The following ASTN2 variants were observed in gnomAD, a reference collection of about 807,000 sequenced individuals.
ASTN2 encodes astrotactin-2.
In ASTN2, 54 loss-of-function variants were observed where a neutral mutation model predicts 139.8. The observed-to-expected ratio is 0.39, with a 90% CI of 0.31 to 0.48. ASTN2 has a LOEUF of 0.48. Among genes scored for constraint, ASTN2 ranks in the 20% least tolerant of loss-of-function variants. ASTN2 has a pLI of 0.95. For missense variants in ASTN2, 1,565 were observed against 1,725.1 expected (o/e 0.91, Z 1.64); for synonymous variants, 756 against 719.5 (o/e 1.05, Z -0.81).
At chr9:117,008,892 G>T (rs1481804131) in intron 6 of ASTN2, among the ~76,000 whole-genome samples, 1 of 152,064 alleles carries the variant, frequency 6.6e-6, no homozygotes, top group Non-Finnish European at 1.5e-5. Context: ...TTATAAGAAA[G>T]ACAGAAAGAT....
At chr9:116,750,041 T>C (rs1829355338) in intron 13 of ASTN2, among the ~76,000 whole-genome samples, 2 of 152,182 alleles carry the variant, frequency 1.3e-5, no homozygotes. Context: ...GCAAATAGTC[T>C]AACACACTAA....
intron 3 of ASTN2, among the ~76,000 whole-genome samples, chr9:117,173,707 A>C (rs1024801029): frequency 6.6e-6 from 1 of 152,084 alleles, no homozygotes; most frequent in Non-Finnish European, 1.5e-5. Context: ...CTAGAGATAA[A>C]GAAACACTTC....
intron 15 of ASTN2, among the ~76,000 whole-genome samples, chr9:116,726,339 A>T (rs1013413938): frequency 6.6e-6 from 1 of 152,228 alleles, no homozygotes; most frequent in African/African-American, 2.4e-5. Flanking sequence ...AGCCACAATC[A>T]TATATAATTT....
chr9:117,232,147 T>C (rs911238502), intron 2 of ASTN2, among the ~76,000 whole-genome samples: 3 of 152,154 alleles, frequency 2.0e-5, no homozygotes, highest in Admixed American at 2.0e-4. Flanking sequence ...TACAAAAGCA[T>C]CTAGGAGCCT....
chr9:116,474,077 G>C (rs76522443), intron 20 of ASTN2, among the ~76,000 whole-genome samples: 2,237 of 152,274 alleles, frequency 0.015, 29 homozygotes, highest in Non-Finnish European at 0.019. Context: ...AGACCCAGGA[G>C]AAATAAGCAT....
rs1850347402 is a variant in ASTN2, at chr9:116,510,915, G to T, written c.3356-23415C>A. Among the ~76,000 whole-genome samples, 3 of 152,034 alleles carry T rather than the reference G, an allele frequency of 2.0e-5. No individual in the cohort carries two copies. In the South Asian group the frequency reaches 6.2e-4, roughly 32 times the overall value. ...AGGAGATTTTGGGTTGAGACAATGG[G>T]GTTTTCTAGATATACAATCATGTCA... is the stretch of plus-strand genomic sequence containing the variant. On this transcript the variant is annotated intron_variant, in intron 19 of 22. Transcript: ENST00000313400.
intron 5 of ASTN2, among the ~76,000 whole-genome samples, chr9:117,043,666 T>C (rs971028044): frequency 6.6e-6 from 1 of 152,098 alleles, no homozygotes; most frequent in African/African-American, 2.4e-5. Context: ...CCCAGCACTT[T>C]GGGAGACAAG....
chr9:116,921,188 T>A (rs1015664374), intron 10 of ASTN2, among the ~76,000 whole-genome samples: 1 of 152,150 alleles, frequency 6.6e-6, no homozygotes, highest in Non-Finnish European at 1.5e-5. Context: ...AAGAATTCAC[T>A]ATCATGATGA....
intron 13 of ASTN2, among the ~76,000 whole-genome samples, chr9:116,738,964 T>C (rs1829020317): frequency 6.6e-6 from 1 of 152,180 alleles, no homozygotes; most frequent in African/African-American, 2.4e-5. Context: ...GAGATGCTTG[T>C]TTAAACAAAC....
chr9:116,980,930 C>T (rs979673867), intron 7 of ASTN2, among the ~76,000 whole-genome samples: 1 of 152,124 alleles, frequency 6.6e-6, no homozygotes, highest in African/African-American at 2.4e-5. Flanking sequence ...AATGACAGCT[C>T]TCTAGGGATG....
chr9:116,573,798 A>G (rs555447567), intron 19 of ASTN2, among the ~76,000 whole-genome samples: 10 of 152,354 alleles, frequency 6.6e-5, no homozygotes, highest in Admixed American at 4.6e-4. Flanking sequence ...TGACAGCAAC[A>G]CTCAATACCA....
chr9:116,937,413 C>A (rs80005503), intron 10 of ASTN2, among the ~76,000 whole-genome samples: 3,062 of 152,254 alleles, frequency 0.02, 53 homozygotes, highest in Non-Finnish European at 0.03. Flanking sequence ...CTCACACTTC[C>A]CTCAGATCTC....
chr9:117,016,658 CCTATATAT>C (rs1837709200), intron 6 of ASTN2, among the ~76,000 whole-genome samples: 1 of 10,602 alleles, frequency 9.4e-5, no homozygotes, highest in Admixed American at 1.8e-3. Context: ...ATATATATAA[CCTATATAT>C]ATGTTACATA....
At chr9:116,908,690 G>T (rs2132416949) in intron 10 of ASTN2, among the ~76,000 whole-genome samples, 1 of 152,270 alleles carries the variant, frequency 6.6e-6, no homozygotes, top group South Asian at 2.1e-4. Flanking sequence ...GCCCACATTT[G>T]ACACTTCCTT....
intron 2 of ASTN2, among the ~76,000 whole-genome samples, chr9:117,217,045 C>T (rs899763223): frequency 1.3e-5 from 2 of 152,122 alleles, no homozygotes; most frequent in African/African-American, 4.8e-5. Context: ...AGTGGTGGAG[C>T]TGTGACTGGG....
chr9:116,913,543 C>T (rs1467733418), intron 10 of ASTN2, among the ~76,000 whole-genome samples: 1 of 152,214 alleles, frequency 6.6e-6, no homozygotes, highest in Non-Finnish European at 1.5e-5. Flanking sequence ...TTTGGGCATG[C>T]TGCAGCCTTT....
intron 2 of ASTN2, among the ~76,000 whole-genome samples, chr9:117,275,124 C>G (rs746834210): frequency 8.5e-4 from 130 of 152,310 alleles, no homozygotes; most frequent in Non-Finnish European, 1.1e-3. Flanking sequence ...TCTCCAATAT[C>G]ATCTTCCTCA....
At chr9:117,377,423 C>CAG (rs1350445503) in intron 1 of ASTN2, among the ~76,000 whole-genome samples, 27 of 152,316 alleles carry the variant, frequency 1.8e-4, no homozygotes, top group Non-Finnish European at 1.5e-5. Context: ...TAATGGCTTG[C>CAG]AGAGGGTGGT....
intron 10 of ASTN2, among the ~76,000 whole-genome samples, chr9:116,895,609 CAT>C (rs1047592289): frequency 3.1e-4 from 47 of 152,292 alleles, no homozygotes; most frequent in Middle Eastern, 3.4e-3. Flanking sequence ...GTAATCTGGG[CAT>C]AGTTTCTGCA....
Sources: allele counts gnomAD v4.1 joint callset (sites outside exome capture counted in the v4.1 genomes callset), GRCh38; gene constraint gnomAD v4.1.1; transcripts MANE v1.5; gene names NCBI Gene and HGNC (gene_info 2026-07-23, HGNC 2026-07-21).